LDB2: variants seen among roughly 807,000 people sequenced by gnomAD.
The protein encoded by LDB2 is LIM domain binding 2, also known as LIM domain-binding protein 2.
A neutral mutation model predicts 44.3 loss-of-function variants in LDB2; 12 were observed. That is an observed-to-expected ratio of 0.27 (90% CI 0.17 to 0.44). The LOEUF is 0.44. Ranked by LOEUF, LDB2 falls within the 20% of genes least tolerant of loss-of-function variation. The pLI, the probability that LDB2 is intolerant of heterozygous loss-of-function variation, is 1.00. For missense variants in LDB2, 344 were observed against 473.5 expected (o/e 0.73, Z 2.54); for synonymous variants, 164 against 174.8 (o/e 0.94, Z 0.49).
At chr4:16,588,860 C>T (rs377653994) in intron 3 of LDB2, 28 bp from the exon 4 acceptor site, 55 of 1,607,168 alleles carry the variant, frequency 3.4e-5, no homozygotes, top group Non-Finnish European at 4.3e-5. Flanking sequence ...CACAGTCATT[C>T]ATTACGCACT....
chr4:16,657,554 A>G (rs549541104), intron 2 of LDB2, among the ~76,000 whole-genome samples: 1 of 152,278 alleles, frequency 6.6e-6, no homozygotes, highest in East Asian at 1.9e-4. Context: ...GAAAATACAC[A>G]AGTCTGCCAC....
At chr4:16,743,935 A>C (rs895393508) in intron 2 of LDB2, among the ~76,000 whole-genome samples, 1 of 152,190 alleles carries the variant, frequency 6.6e-6, no homozygotes, top group African/African-American at 2.4e-5. Flanking sequence ...TAAAATACCT[A>C]TCAAATAGAT....
intron 1 of LDB2, among the ~76,000 whole-genome samples, chr4:16,891,480 T>G (rs1390472677): frequency 6.6e-6 from 1 of 151,964 alleles, no homozygotes; most frequent in Non-Finnish European, 1.5e-5. Context: ...GCCTGGTTAA[T>G]TTTTGTATTT....
chr4:16,517,226 T>A (rs1724084920), intron 5 of LDB2, among the ~76,000 whole-genome samples: 1 of 152,170 alleles, frequency 6.6e-6, no homozygotes, highest in South Asian at 2.1e-4. Context: ...ACAAAATTTC[T>A]GGTGGTTGTT....
At position 16,823,396 on chromosome 4, in the gene LDB2, C is replaced by T. The variant is rs917658859; in HGVS notation, c.133-64136G>A. On this transcript the variant is annotated intron_variant, in intron 1 of 7. Coordinates refer to ENST00000304523, the MANE Select transcript of LDB2 (RefSeq NM_001290.5). ...CATCTTCTTACCCATTTAACAACATCTTGTCTCTGAAGTCACAGCATCCAA... is the reference window on the plus strand; with the variant it reads ...CATCTTCTTACCCATTTAACAACATTTTGTCTCTGAAGTCACAGCATCCAA... Among the ~76,000 whole-genome samples, 6 of 152,212 alleles carry T rather than the reference C, an allele frequency of 3.9e-5. 1 individual carries two copies. The highest frequency in any genetic ancestry group is 5.9e-5 in the Non-Finnish European group (4 of 68,040).
chr4:16,721,794 T>C (rs1758346356), intron 2 of LDB2, among the ~76,000 whole-genome samples: 1 of 152,144 alleles, frequency 6.6e-6, no homozygotes, highest in African/African-American at 2.4e-5. Context: ...ACAGGCCAGT[T>C]AGTCTAGATA....
At position 16,759,264 on chromosome 4, in the gene LDB2, C is replaced by G; in HGVS notation, c.133-4G>C. 1 of 1,581,826 alleles carries G rather than the reference C, an allele frequency of 6.3e-7. No homozygotes were observed. Among genetic ancestry groups the G allele is most frequent in the Non-Finnish European group, 8.7e-7 (1 of 1,150,762 alleles). On this transcript the variant is annotated splice_region_variant and splice_polypyrimidine_tract_variant and intron_variant, in intron 1 of 7. Coordinates refer to ENST00000304523, the MANE Select transcript of LDB2 (RefSeq NM_001290.5). ...CCCACCAGAGGTTGTCACTATCCTG[C>G]AAAGAGACAGATCATTTATTTAACA...
intron 2 of LDB2, among the ~76,000 whole-genome samples, chr4:16,685,712 C>T (rs1481413255): frequency 6.6e-6 from 1 of 152,116 alleles, no homozygotes; most frequent in Non-Finnish European, 1.5e-5. Flanking sequence ...AGCTGCCCAC[C>T]CTCAGAATCC....
intron 2 of LDB2, among the ~76,000 whole-genome samples, chr4:16,618,793 T>C (rs1211457616): frequency 6.6e-6 from 1 of 152,162 alleles, no homozygotes; most frequent in African/African-American, 2.4e-5. Flanking sequence ...AATTGTAATC[T>C]TCAGTGTTGG....
At chr4:16,707,192 C>T (rs1243083950) in intron 2 of LDB2, among the ~76,000 whole-genome samples, 1 of 151,946 alleles carries the variant, frequency 6.6e-6, no homozygotes, top group African/African-American at 2.4e-5. Flanking sequence ...TCTCAGAACC[C>T]AAAAGACAAT....
intron 1 of LDB2, among the ~76,000 whole-genome samples, chr4:16,853,918 T>C (rs1163565615): frequency 6.6e-6 from 1 of 152,170 alleles, no homozygotes; most frequent in Non-Finnish European, 1.5e-5. Flanking sequence ...ATGTGAAATC[T>C]TTTTTAAAAA....
In LDB2 at chr4:16,734,811, C is replaced by T. The variant is rs1170968946; in HGVS notation, c.235+24347G>A. Among the ~76,000 whole-genome samples the T allele has an allele frequency of 2.6e-5, 4 of 151,128 alleles. No individual in the cohort carries two copies. The East Asian group carries it at 5.9e-4, about 22-fold the overall frequency. Reference sequence around the variant, plus strand: ...GCAACCTCCGCCTCCTGGGTTCAAGCGATTCTCCTGCCTCAGCCTCCAGAG... The same window carrying T: ...GCAACCTCCGCCTCCTGGGTTCAAGTGATTCTCCTGCCTCAGCCTCCAGAG... On this transcript the variant is annotated intron_variant, in intron 2 of 7. Transcript: ENST00000304523.
chr4:16,852,492 T>A (rs1211502455), intron 1 of LDB2, among the ~76,000 whole-genome samples: 1 of 152,184 alleles, frequency 6.6e-6, no homozygotes, highest in African/African-American at 2.4e-5. Flanking sequence ...TGGAGGATCA[T>A]CTGGACAAAA....
intron 1 of LDB2, among the ~76,000 whole-genome samples, chr4:16,766,746 T>C (rs138603251): frequency 0.015 from 2,277 of 152,144 alleles, 59 homozygotes; most frequent in African/African-American, 0.052. Context: ...CTTCAGGTGA[T>C]CCACCTGCCT....
intron 5 of LDB2, among the ~76,000 whole-genome samples, chr4:16,525,397 A>C (rs560165935): frequency 1.2e-4 from 19 of 152,354 alleles, no homozygotes; most frequent in Non-Finnish European, 2.4e-4. Context: ...TCAATAATGC[A>C]GCACTCAGCT....
intron 1 of LDB2, among the ~76,000 whole-genome samples, chr4:16,830,199 A>G (rs909342402): frequency 1.3e-5 from 2 of 152,080 alleles, no homozygotes; most frequent in Non-Finnish European, 2.9e-5. Flanking sequence ...CCTCATCTCC[A>G]ATTGTAATCC....
intron 1 of LDB2, among the ~76,000 whole-genome samples, chr4:16,884,887 G>C (rs1167722136): frequency 2.0e-5 from 3 of 152,046 alleles, no homozygotes; most frequent in African/African-American, 7.3e-5. Context: ...GGGCATCCCA[G>C]GTACAGATGG....
At chr4:16,751,186 T>G (rs1180592518) in intron 2 of LDB2, among the ~76,000 whole-genome samples, 1 of 152,184 alleles carries the variant, frequency 6.6e-6, no homozygotes, top group Admixed American at 6.6e-5. Flanking sequence ...CATTTAAGCC[T>G]GTACGTTTGA....
chr4:16,742,516 G>A (rs1296340149), intron 2 of LDB2, among the ~76,000 whole-genome samples: 2 of 152,168 alleles, frequency 1.3e-5, no homozygotes, highest in Non-Finnish European at 2.9e-5. Context: ...ACAAGACACA[G>A]AAGCCCCTAA....
Sources: allele counts gnomAD v4.1 joint callset (sites outside exome capture counted in the v4.1 genomes callset), GRCh38; gene constraint gnomAD v4.1.1; transcripts MANE v1.5; gene names NCBI Gene and HGNC (gene_info 2026-07-23, HGNC 2026-07-21).